Variants in WDFY4 observed in about 807,000 individuals in gnomAD.
WDFY4 encodes the protein WDFY family member 4.
WDFY4 carries 169 observed loss-of-function variants against 351.9 expected under a neutral mutation model. That is an observed-to-expected ratio of 0.48 (90% CI 0.42 to 0.55). The LOEUF is 0.55. Among genes scored for constraint, WDFY4 ranks in the 20% least tolerant of loss-of-function variants. The probability of loss-of-function intolerance (pLI) is 0.00; values close to 1 mark genes in which losing one functional copy is unlikely to be tolerated. For synonymous variants in WDFY4, 1,622 were observed against 1,574.6 expected, an observed-to-expected ratio of 1.03 and a Z score of -0.71; for missense variants, 3,803 against 3,935.6, an observed-to-expected ratio of 0.97 and a Z score of 0.90.
At chr10:48,865,593 G>A (rs2133244133) in intron 39 of WDFY4, among the ~76,000 whole-genome samples, 1 of 152,302 alleles carries the variant, frequency 6.6e-6, no homozygotes, top group African/African-American at 2.4e-5. Flanking sequence ...GTTGGGAAGT[G>A]TCCCTTGCTC....
In WDFY4 at chr10:48,890,571, C is replaced by A. The variant is rs1185154968; in HGVS notation, c.7168-8C>A. On this transcript the variant is annotated splice_region_variant and splice_polypyrimidine_tract_variant and intron_variant, in intron 43 of 61. Transcript: ENST00000325239. ...GCACCACCTGACTCTGCCACTCTCT[C>A]CTTCCAGGTGACGCAGAAGTTCTCC... 4 of 1,551,680 alleles carry A rather than the reference C, an allele frequency of 2.6e-6. No homozygotes were observed. The African/African-American group carries it at 5.5e-5, about 21-fold the overall frequency.
At chr10:48,864,583 G>C (rs2069473317) in intron 39 of WDFY4, among the ~76,000 whole-genome samples, 1 of 152,096 alleles carries the variant, frequency 6.6e-6, no homozygotes, top group African/African-American at 2.4e-5. Flanking sequence ...AATTTCATAT[G>C]ATCTTGAAGA....
chr10:48,855,196 T>G (rs939831048), intron 39 of WDFY4, among the ~76,000 whole-genome samples: 2 of 152,132 alleles, frequency 1.3e-5, no homozygotes, highest in Admixed American at 1.3e-4. Context: ...TGGAGGATAA[T>G]ATACATAGGG....
intron 8 of WDFY4, among the ~76,000 whole-genome samples, chr10:48,730,271 C>T (rs898507098): frequency 6.6e-6 from 1 of 152,168 alleles, no homozygotes; most frequent in African/African-American, 2.4e-5. Context: ...CTGGGTGAGT[C>T]TGGGAAGTGA....
intron 31 of WDFY4, among the ~76,000 whole-genome samples, chr10:48,815,546 C>T (rs985500916): frequency 3.1e-4 from 47 of 152,200 alleles, no homozygotes; most frequent in African/African-American, 1.1e-3. Context: ...CTAGCCTCTG[C>T]TTCTCAGGCT....
rs534918011 is a variant in WDFY4, at chr10:48,830,679, G to A, written c.6341-21G>A. On this transcript the variant is annotated intron_variant, in intron 37 of 61. Coordinates refer to ENST00000325239, the MANE Select transcript of WDFY4 (RefSeq NM_001394531.1). ...GGGTCACTGAGGCCATCCTGAGTGT[G>A]CCATGTGCTCTCTCTGCTAGTCCAA... The A allele has an allele frequency of 3.9e-6, 6 of 1,547,142 alleles. No homozygotes were observed. The Admixed American group carries it at 9.8e-5, about 25-fold the overall frequency.
chr10:48,823,953 A>T (rs1589694517), intron 35 of WDFY4: 1 of 985,522 alleles, frequency 1.0e-6, no homozygotes, highest in South Asian at 4.7e-5. Context: ...ACATTGCGTT[A>T]CCTGTGAAAT....
chr10:48,723,932 G>A (rs931211762), intron 5 of WDFY4, among the ~76,000 whole-genome samples: 5 of 151,880 alleles, frequency 3.3e-5, no homozygotes, highest in African/African-American at 1.2e-4. Context: ...GTCTTGGGTG[G>A]GGCTGGGATT....
chr10:48,795,504 T>TATATATATATATATAC (rs2066831355), intron 23 of WDFY4, among the ~76,000 whole-genome samples: 1 of 115,750 alleles, frequency 8.6e-6, no homozygotes, highest in African/African-American at 3.9e-5. Flanking sequence ...TATATATATA[T>TATATATATATATATAC]ATATATATAT....
chr10:48,764,336 T>C (rs930663549), intron 13 of WDFY4, among the ~76,000 whole-genome samples: 1 of 152,274 alleles, frequency 6.6e-6, no homozygotes, highest in Non-Finnish European at 1.5e-5. Flanking sequence ...CAGCTGTTTT[T>C]CTGCTTCTGG....
intron 1 of WDFY4, 128 bp from the exon 2 acceptor site, chr10:48,709,586 CTG>C (rs2063716011): frequency 1.1e-5 from 8 of 740,878 alleles, no homozygotes; most frequent in Admixed American, 2.9e-5. Flanking sequence ...TTATTTTAGT[CTG>C]TTTCAGATTC....
chr10:48,820,866 C>T (rs2067800076), intron 33 of WDFY4, among the ~76,000 whole-genome samples, 196 bp from the exon 34 acceptor site: 1 of 152,164 alleles, frequency 6.6e-6, no homozygotes, highest in Non-Finnish European at 1.5e-5. Context: ...CCTCCTTACC[C>T]TCGGAAGTGG....
chr10:48,848,042 G>A (rs1564414113), intron 39 of WDFY4, among the ~76,000 whole-genome samples: 1 of 152,174 alleles, frequency 6.6e-6, no homozygotes, highest in Non-Finnish European at 1.5e-5. Flanking sequence ...CTCCATAGCA[G>A]AGAAAAGTGC....
At chr10:48,960,855 G>T (rs980897959) in intron 53 of WDFY4, among the ~76,000 whole-genome samples, 3 of 152,146 alleles carry the variant, frequency 2.0e-5, no homozygotes, top group African/African-American at 7.2e-5. Context: ...TTATATACAG[G>T]CATGAAATGT....
intron 43 of WDFY4, among the ~76,000 whole-genome samples, chr10:48,882,544 A>T (rs573695423): frequency 9.3e-4 from 141 of 152,142 alleles, no homozygotes; most frequent in Non-Finnish European, 1.7e-3. Flanking sequence ...TAATGAAAAG[A>T]GGTTTAGTTG....
intron 47 of WDFY4, chr10:48,913,273 C>A: frequency 1.1e-6 from 1 of 941,998 alleles, no homozygotes; most frequent in East Asian, 2.4e-5. Context: ...GTTTTATGGG[C>A]TTGGCTGAAA....
At chr10:48,964,602 C>A (rs935248145) in intron 54 of WDFY4, among the ~76,000 whole-genome samples, 6 of 152,216 alleles carry the variant, frequency 3.9e-5, no homozygotes. Context: ...CTAAAGCTTG[C>A]ACCATGTTGT....
intron 20 of WDFY4, among the ~76,000 whole-genome samples, chr10:48,787,547 C>A (rs2066444122): frequency 6.6e-6 from 1 of 152,192 alleles, no homozygotes; most frequent in South Asian, 2.1e-4. Context: ...ACTTAGAGAC[C>A]AGTATGTTAA....
At chr10:48,830,462 G>A (rs1366908357) in intron 37 of WDFY4, among the ~76,000 whole-genome samples, 1 of 152,182 alleles carries the variant, frequency 6.6e-6, no homozygotes, top group Admixed American at 6.5e-5. Context: ...GGCAGGAATT[G>A]GTGGTAAGCA....
Sources: gnomAD v4.1 joint callset for allele counts (sites outside exome capture counted in the v4.1 genomes callset) on GRCh38, gnomAD v4.1.1 for gene constraint, MANE v1.5 for transcripts, NCBI Gene and HGNC (gene_info 2026-07-23, HGNC 2026-07-21) for gene names.